The following MPZL1 variants were observed in gnomAD, a reference collection of about 807,000 sequenced individuals.
MPZL1 encodes the protein myelin protein zero like 1, also known as myelin protein zero-like protein 1.
A neutral mutation model predicts 29.3 loss-of-function variants in MPZL1; 16 were observed. The observed-to-expected ratio is 0.55, with a 90% CI of 0.37 to 0.83. The LOEUF (loss-of-function observed/expected upper bound fraction) is 0.83, where lower values mean the gene tolerates loss of function less well. Ranked by LOEUF, MPZL1 falls within the 40% of genes least tolerant of loss-of-function variation. MPZL1 has a pLI of 0.00. For missense variants in MPZL1, 279 were observed against 332.9 expected (o/e 0.84, Z 1.26); for synonymous variants, 143 against 132.0 (o/e 1.08, Z -0.57).
chr1:167,732,559 C>T (rs140446716), intron 1 of MPZL1, among the ~76,000 whole-genome samples: 1 of 152,260 alleles, frequency 6.6e-6, no homozygotes, highest in East Asian at 1.9e-4. Flanking sequence ...CTCAGGTGAT[C>T]CTCCTGTCTC....
At chr1:167,739,302 T>TACAC (rs1352294224) in intron 1 of MPZL1, among the ~76,000 whole-genome samples, 13 of 119,302 alleles carry the variant, frequency 1.1e-4, no homozygotes, top group East Asian at 1.1e-3. Flanking sequence ...TATATATATA[T>TACAC]ATATATACAC....
At chr1:167,775,581 G>A (rs1661349313) in intron 4 of MPZL1, among the ~76,000 whole-genome samples, 1 of 152,150 alleles carries the variant, frequency 6.6e-6, no homozygotes, top group Admixed American at 6.5e-5. Context: ...AACAAGATAA[G>A]CCAAGACTTG....
intron 1 of MPZL1, among the ~76,000 whole-genome samples, chr1:167,739,288 T>TATAC (rs1660459250): frequency 9.2e-6 from 1 of 108,334 alleles, no homozygotes; most frequent in African/African-American, 6.0e-5. Context: ...TATACATATA[T>TATAC]ATATATATAT....
At chr1:167,767,891 T>G (rs1450006765) in intron 2 of MPZL1, among the ~76,000 whole-genome samples, 1 of 137,254 alleles carries the variant, frequency 7.3e-6, no homozygotes, top group Non-Finnish European at 1.5e-5. Flanking sequence ...TTTGTTTTGT[T>G]TTGTGTTTTC....
chr1:167,758,772 T>G (rs1053099379), intron 1 of MPZL1, among the ~76,000 whole-genome samples: 9 of 152,196 alleles, frequency 5.9e-5, no homozygotes, highest in African/African-American at 9.6e-5. Flanking sequence ...TTTAGAAACC[T>G]TATTCTCCAG....
intron 5 of MPZL1, among the ~76,000 whole-genome samples, chr1:167,779,400 C>T (rs143098418): frequency 1.3e-5 from 2 of 152,020 alleles, no homozygotes; most frequent in East Asian, 1.9e-4. Context: ...GCCTGGCCAA[C>T]GTGGCAAAAC....
Position 167,772,364 on chromosome 1 carries a change from A to C in MPZL1, c.348A>C (p.Lys116Asn). ...RISWAGDLDK[K>N]DASINIENMQ... is the part of the protein sequence containing the mutation. ...GCTGGGCTGGAGACCTTGACAAGAA[A>C]GATGCATCAATCAACATAGAAAATA... Residue 116 changes from lysine to asparagine, a missense_variant, in exon 3 of 6, where the codon AAA (lysine) becomes AAC (asparagine). Physicochemically the swap from Lys to Asn is moderately conservative, Grantham distance 94 (BLOSUM62 0). Coordinates refer to ENST00000359523, the MANE Select transcript of MPZL1 (RefSeq NM_003953.6). The C allele has an allele frequency of 6.2e-7, 1 of 1,613,926 alleles. No individual in the cohort carries two copies. Among genetic ancestry groups the C allele is most frequent in the Non-Finnish European group, 8.5e-7 (1 of 1,179,780 alleles).
At chr1:167,758,112 C>T (rs1197774240) in intron 1 of MPZL1, among the ~76,000 whole-genome samples, 2 of 151,764 alleles carry the variant, frequency 1.3e-5, no homozygotes. Context: ...TGAGATCGCT[C>T]CACTGCACTC....
chr1:167,776,163 C>T lies in MPZL1; in HGVS notation c.705C>T (p.His235=). 1.2e-6 allele frequency: 2 copies of T among 1,609,920 alleles called. No homozygotes were observed. Among genetic ancestry groups the T allele is most frequent in the East Asian group, 4.5e-5 (2 of 44,708 alleles). ...GLVKSLPSGS[H]QGPVIYAQLD... Reference sequence around the variant, plus strand: ...TAAAGAGTCTGCCTTCTGGATCTCACCAGGTAATGGCTGATTGCGATTCTG... The same window carrying T: ...TAAAGAGTCTGCCTTCTGGATCTCATCAGGTAATGGCTGATTGCGATTCTG... Residue 235 remains histidine, a synonymous_variant, in exon 5 of 6, where the codon CAC becomes CAT. Transcript: ENST00000359523.
intron 1 of MPZL1, among the ~76,000 whole-genome samples, chr1:167,758,637 A>C (rs1257218662): frequency 6.6e-6 from 1 of 152,118 alleles, no homozygotes; most frequent in African/African-American, 2.4e-5. Flanking sequence ...TAGTCAGATG[A>C]TTCCACAGAC....
intron 5 of MPZL1, among the ~76,000 whole-genome samples, chr1:167,786,738 T>C (rs965683105): frequency 6.6e-6 from 1 of 152,220 alleles, no homozygotes; most frequent in African/African-American, 2.4e-5. Context: ...TGAGGGTAAG[T>C]GTGTTTATTT....
intron 5 of MPZL1, among the ~76,000 whole-genome samples, chr1:167,785,410 T>G (rs1571176105): frequency 6.6e-6 from 1 of 152,128 alleles, no homozygotes; most frequent in South Asian, 2.1e-4. Flanking sequence ...AGTGGCAAGG[T>G]CTGTTGAGGT....
At chr1:167,773,215 T>G in intron 3 of MPZL1, 21 bp from the exon 4 acceptor site, 1 of 1,605,532 alleles carries the variant, frequency 6.2e-7, no homozygotes. Context: ...ACCTTAAAAC[T>G]ATTTTGTTCT....
Position 167,742,414 on chromosome 1 carries a change from A to G in MPZL1, c.91+20172A>G, listed in dbSNP as rs1387518416. Reference sequence around the variant, plus strand: ...TAACTATATTATGGGCAGATACCTTAATAGTATCTTTCAAATAAAAAAGAT... The same window carrying G: ...TAACTATATTATGGGCAGATACCTTGATAGTATCTTTCAAATAAAAAAGAT... On this transcript the variant is annotated intron_variant, in intron 1 of 5. Coordinates refer to ENST00000359523, the MANE Select transcript of MPZL1 (RefSeq NM_003953.6). Among the ~76,000 whole-genome samples the G allele has an allele frequency of 7.9e-4, 120 of 152,272 alleles. 5 individuals carry two copies. Among genetic ancestry groups the G allele is most frequent in the Non-Finnish European group, 2.6e-4 (18 of 68,026 alleles).
At chr1:167,726,124 C>T (rs1479541901) in intron 1 of MPZL1, among the ~76,000 whole-genome samples, 1 of 152,132 alleles carries the variant, frequency 6.6e-6, no homozygotes, top group Non-Finnish European at 1.5e-5. Context: ...CCACCCACCA[C>T]CCCTTTCTCA....
chr1:167,761,239 G>A (rs1157157862), intron 1 of MPZL1, among the ~76,000 whole-genome samples: 1 of 152,044 alleles, frequency 6.6e-6, no homozygotes, highest in Non-Finnish European at 1.5e-5. Context: ...GGAGATGCAG[G>A]GTCAAGGTTT....
intron 1 of MPZL1, among the ~76,000 whole-genome samples, chr1:167,724,419 G>A (rs1244765326): frequency 6.6e-6 from 1 of 152,200 alleles, no homozygotes; most frequent in Non-Finnish European, 1.5e-5. Context: ...TGAGGCTGAA[G>A]CCAGAGAAGG....
rs1236171440 is a variant in MPZL1 at position 167,789,509 on chromosome 1, A to T, written c.*1588A>T. The stretch of plus-strand genomic sequence containing the variant: ...GGCTGAGTTCCAACAGAATTCACAA[A>T]GGGAATAAAACAGGATTGAGATTTT... On this transcript the variant is annotated 3_prime_UTR_variant, in exon 6 of 6. Coordinates refer to ENST00000359523, the MANE Select transcript of MPZL1 (RefSeq NM_003953.6). The T allele has an allele frequency of 6.6e-6, 1 of 152,244 alleles. No individual in the cohort carries two copies. The highest frequency in any genetic ancestry group is 1.5e-5 in the Non-Finnish European group (1 of 68,060). 9.4% of individuals were successfully genotyped at this position (152,244 alleles called of 1,614,324 possible).
intron 1 of MPZL1, among the ~76,000 whole-genome samples, chr1:167,727,678 A>G (rs1430230629): frequency 6.6e-6 from 1 of 152,074 alleles, no homozygotes; most frequent in East Asian, 1.9e-4. Flanking sequence ...TTACTTTGCT[A>G]AGTCGTTTGA....
Sources: allele counts gnomAD v4.1 joint callset (sites outside exome capture counted in the v4.1 genomes callset), GRCh38; gene constraint gnomAD v4.1.1; transcripts MANE v1.5; gene names NCBI Gene and HGNC (gene_info 2026-07-23, HGNC 2026-07-21).